Variants in SCNN1D observed in about 807,000 individuals in gnomAD.
The protein encoded by SCNN1D is epithelial sodium channel subunit delta.
Under a neutral mutation model 87.8 loss-of-function variants are expected in SCNN1D, and 104 were observed. The observed-to-expected ratio is 1.18, with a 90% CI of 1.01 to 1.39. The LOEUF is 1.39. Among genes scored for constraint, SCNN1D ranks in the 40% most tolerant of loss-of-function variants. The pLI is 0.00. For synonymous variants in SCNN1D, 628 were observed against 481.2 expected (o/e 1.31, Z -3.99); for missense variants, 1,324 against 1,093.9 (o/e 1.21, Z -2.97).
Position 1,287,567 on chromosome 1 carries a change from G to C in SCNN1D, c.1370G>C (p.Trp457Ser), listed in dbSNP as rs1366785913. The change falls in exon 10 of 18, where the codon TGG (tryptophan) becomes TCG (serine). Residue 457 changes from tryptophan to serine, a missense_variant. Transcript: ENST00000379116. ...YGSCYTVDGV[W>S]TAQRPGITHG... ...AGCTGCTACACGGTCGATGGCGTCT[G>C]GACAGCTCAGCGCCCCGGCATCACC... 1 of 1,582,322 alleles carries C rather than the reference G, an allele frequency of 6.3e-7. No homozygotes were observed. The highest frequency in any genetic ancestry group is 8.6e-7 in the Non-Finnish European group (1 of 1,162,432).
rs777158918 is a variant in SCNN1D at position 1,287,952 on chromosome 1, G to A, written c.1577G>A (p.Arg526Gln). The A allele has an allele frequency of 2.8e-5, 44 of 1,544,542 alleles. No homozygotes were observed. Among genetic ancestry groups the A allele is most frequent in the African/African-American group, 4.1e-5 (3 of 72,950 alleles). ...TISIREDEVH[R>Q]LGSPYGHCTA... ...GTCCCCTCCCAGGACGAGGTGCACC[G>A]GCTCGGGAGCCCCTACGGCCACTGC... Residue 526 changes from arginine to glutamine, a missense_variant, in exon 12 of 18, where the codon CGG becomes CAG. Physicochemically the swap from Arg to Gln is conservative, Grantham distance 43. Coordinates refer to ENST00000379116, the MANE Select transcript of SCNN1D (RefSeq NM_001130413.4).
Position 1,286,940 on chromosome 1 carries a change from C to T in SCNN1D, c.1084C>T (p.His362Tyr), listed in dbSNP as rs1398598904. ...DREIRLQRLS[H>Y]SGSRVRVGFR... ...GGAGATCCGTCTGCAGAGGCTGAGC[C>T]ACTCGGGCAGCCGGGTCAGAGTGGG... Residue 362 changes from histidine (H) to tyrosine (Y), a missense_variant, in exon 8 of 18, where the codon CAC (histidine) becomes TAC (tyrosine). Transcript: ENST00000379116. 19 of 1,612,374 alleles carry T rather than the reference C, an allele frequency of 1.2e-5. No homozygotes were observed. The highest frequency in any genetic ancestry group is 1.6e-5 in the Non-Finnish European group (19 of 1,179,836).
intron 3 of SCNN1D, 80 bp from the exon 4 acceptor site, chr1:1,282,162 G>A: frequency 1.2e-6 from 1 of 833,786 alleles, no homozygotes; most frequent in Admixed American, 2.1e-5. Flanking sequence ...GCCCCATCTG[G>A]CACTCAAGGA....
chr1:1,287,181 C>A lies in SCNN1D; in HGVS notation c.1192C>A (p.His398Asn), dbSNP rs766780512. Residue 398 changes from histidine (H) to asparagine (N), a missense_variant, in exon 9 of 18, where the codon CAC becomes AAC. Coordinates refer to ENST00000379116, the MANE Select transcript of SCNN1D (RefSeq NM_001130413.4). ...SGVAAVQDWY[H>N]FHYVDILALL... ...CGTGGCGGCTGTCCAGGACTGGTAC[C>A]ACTTCCACTATGTGGATATCCTGGC... is the stretch of plus-strand genomic sequence containing the variant. The A allele has an allele frequency of 2.2e-5, 35 of 1,612,118 alleles. No individual in the cohort carries two copies. The highest frequency in any genetic ancestry group is 2.8e-5 in the Non-Finnish European group (33 of 1,179,620).
rs1640579612 is a variant in SCNN1D, at chr1:1,285,968, C to G, written c.601C>G (p.Pro201Ala). ...TPPRPGPPSA[P>A]PPPPKEGHQE... ...CCCCAGGCCGGGGCCACCATCAGCA[C>G]CACCACCACCACCCAAGGAGGGGCA... Residue 201 changes from proline (P) to alanine (A), a missense_variant, in exon 7 of 18, where the codon CCA becomes GCA. By Grantham distance (27) the Pro-to-Ala change is conservative (BLOSUM62 -1). Transcript: ENST00000379116. 1.3e-6 allele frequency: 2 copies of G among 1,552,830 alleles called. No homozygotes were observed. Among genetic ancestry groups the G allele is most frequent in the African/African-American group, 1.4e-5 (1 of 73,306 alleles).
In SCNN1D at chr1:1,286,102, C is replaced by A. The variant is rs772325678; in HGVS notation, c.735C>A (p.Asn245Lys). Residue 245 changes from asparagine (N) to lysine (K), a missense_variant, in exon 7 of 18, where the codon AAC becomes AAA. By Grantham distance (94) the Asn-to-Lys change is moderately conservative. Coordinates refer to ENST00000379116, the MANE Select transcript of SCNN1D (RefSeq NM_001130413.4). ...TCCGCCTGGTCTGCTCCCGCGGGAA[C>A]CGCCTCAAGACGACGTCCTGGGGGC... ...GAIRLVCSRG[N>K]RLKTTSWGLL... 65 of 1,610,020 alleles carry A rather than the reference C, an allele frequency of 4.0e-5. No individual in the cohort carries two copies. Among genetic ancestry groups the A allele is most frequent in the Non-Finnish European group, 5.4e-5 (64 of 1,179,158 alleles).
chr1:1,291,289 C>A lies in SCNN1D; in HGVS notation c.2088C>A (p.Cys696Ter). The change falls in exon 18 of 18, where the codon TGC becomes TGA. Residue 696 changes from cysteine to a stop codon, truncating the protein, a stop_gained. Transcript: ENST00000379116. LOFTEE classifies it low-confidence loss of function (END_TRUNC). Reference protein sequence around the residue: ...PQLLSAMGSLCSLWFGASVLS... With the variant: ...PQLLSAMGSL ...TGCTCTCGGCCATGGGCAGCCTCTG[C>A]AGCCTGTGGTTTGGGGCCTCCGTCC... The A allele has an allele frequency of 6.4e-7, 1 of 1,571,654 alleles. No homozygotes were observed.
Position 1,291,657 on chromosome 1 carries a change from C to A in SCNN1D, c.*47C>A. On this transcript the variant is annotated 3_prime_UTR_variant, in exon 18 of 18. Transcript: ENST00000379116. ...CGATCTCTTGGCCTGGTCCTTGCAG[C>A]TGTGGCAGCAGCAGGCTCCCCAGCG... 1 of 1,405,228 alleles carries A rather than the reference C, an allele frequency of 7.1e-7. No homozygotes were observed. Among genetic ancestry groups the A allele is most frequent in the Non-Finnish European group, 9.5e-7 (1 of 1,050,720 alleles). The allele number at this position is 1,405,228 out of a possible 1,614,324, so 87.0% of individuals were successfully genotyped here.
At chr1:1,285,791 G>C in intron 6 of SCNN1D, 127 bp downstream of exon 6, 1 of 1,190,058 alleles carries the variant, frequency 8.4e-7, no homozygotes. Context: ...CAGTGTCAGA[G>C]CACCCTGGGA....
Position 1,287,298 on chromosome 1 carries a change from C to CGTAACTGCA in SCNN1D, c.1310_1310+1insTAACTGCAG (p.Arg437_Gln438insAsnCysArg). ...TTACGATGGCCTGGACTGCCAGGCC[C>CGTAACTGCA]GGTGAGTGTGGCGGGCGGGGGCCAC... is the stretch of plus-strand genomic sequence containing the variant. On this transcript the variant is annotated inframe_insertion and splice_region_variant, in exon 9 of 18. Coordinates refer to ENST00000379116, the MANE Select transcript of SCNN1D (RefSeq NM_001130413.4). The CGTAACTGCA allele has an allele frequency of 1.9e-6, 3 of 1,586,134 alleles. No homozygotes were observed. The highest frequency in any genetic ancestry group is 2.3e-5 in the East Asian group (1 of 44,146).
rs1640601864 is a variant in SCNN1D at position 1,286,830 on chromosome 1, C to T, written c.974C>T (p.Ser325Phe). Residue 325 changes from serine to phenylalanine, a missense_variant, in exon 8 of 18, where the codon TCC (serine) becomes TTC (phenylalanine). Ser to Phe is a radical substitution (Grantham distance 155). Coordinates refer to ENST00000379116, the MANE Select transcript of SCNN1D (RefSeq NM_001130413.4). ...GAGTTTGCCAGGGAGAACATTGACT[C>T]CCTGTACAACGTCAACCTCAGCAAA... ...LDEFARENID[S>F]LYNVNLSKGR... The T allele has an allele frequency of 1.2e-6, 2 of 1,612,578 alleles. No homozygotes were observed. The highest frequency in any genetic ancestry group is 1.3e-5 in the African/African-American group (1 of 74,898).
At chr1:1,281,362 T>C (rs1358571628) in intron 2 of SCNN1D, 49 bp from the exon 3 acceptor site, 1 of 1,533,664 alleles carries the variant, frequency 6.5e-7, no homozygotes, top group South Asian at 1.2e-5. Flanking sequence ...AGCAGAGGCA[T>C]GGGCCCAAAG....
In SCNN1D at chr1:1,287,920, C is replaced by G. The variant is rs1371970442; in HGVS notation, c.1564-19C>G. The G allele has an allele frequency of 2.0e-6, 3 of 1,533,610 alleles. No homozygotes were observed. The highest frequency in any genetic ancestry group is 1.8e-6 in the Non-Finnish European group (2 of 1,136,172). ...GGGGGTGAGGGCAGGGCCCATGGAA[C>G]TGAAGCGTCCCCTCCCAGGACGAGG... On this transcript the variant is annotated intron_variant, in intron 11 of 17. Transcript: ENST00000379116.
rs34553031 is a variant in SCNN1D at position 1,290,150 on chromosome 1, G to A, written c.1663-121G>A. ...GTCCCCCGTGTCTCTGCTCCGTCCC[G>A]TGTCTCTGCTCCGTCCCGTGTCCCT... is the stretch of plus-strand genomic sequence containing the variant. On this transcript the variant is annotated intron_variant, in intron 12 of 17. Coordinates refer to ENST00000379116, the MANE Select transcript of SCNN1D (RefSeq NM_001130413.4). The A allele has an allele frequency of 6.1e-5, 31 of 507,762 alleles. 1 individual carries two copies. The highest frequency in any genetic ancestry group is 1.4e-4 in the South Asian group (6 of 41,764). The allele number at this position is 507,762 out of a possible 1,614,324, so 31.5% of individuals were successfully genotyped here.
Position 1,284,009 on chromosome 1 carries a change from GC to G in SCNN1D, c.385del (p.Gln129SerfsTer7). Reference sequence around the variant, plus strand: ...AGAGGCTCCATCCTGCTTCAGAGCTGCCAGCTGCCCCCGCAATGGCTGAGCA... The same window carrying G: ...AGAGGCTCCATCCTGCTTCAGAGCTGCAGCTGCCCCCGCAATGGCTGAGCA... ...EARGSILLQS[C>X]QLPPQWLSTE... is the part of the protein sequence containing the mutation. On this transcript the variant is annotated frameshift_variant, in exon 5 of 18. Coordinates refer to ENST00000379116, the MANE Select transcript of SCNN1D (RefSeq NM_001130413.4). LOFTEE classifies it high-confidence loss of function. The G allele has an allele frequency of 6.9e-7, 1 of 1,439,388 alleles. No individual in the cohort carries two copies. Among genetic ancestry groups the G allele is most frequent in the South Asian group, 1.5e-5 (1 of 68,066 alleles). The allele number at this position is 1,439,388 out of a possible 1,614,324, so 89.2% of individuals were successfully genotyped here.
At position 1,280,685 on chromosome 1, in the gene SCNN1D, C is replaced by A. The variant is rs1453807888; in HGVS notation, c.5+19C>A. The stretch of plus-strand genomic sequence containing the variant: ...GCATGAGGTGCGTCCGACTCCCTTC[C>A]CATCACAGCTGAGCTAGTTTTTCAG... On this transcript the variant is annotated intron_variant, in intron 1 of 17. Coordinates refer to ENST00000379116, the MANE Select transcript of SCNN1D (RefSeq NM_001130413.4). The A allele has an allele frequency of 2.8e-6, 2 of 701,812 alleles. No individual in the cohort carries two copies. Among genetic ancestry groups the A allele is most frequent in the East Asian group, 5.4e-5 (2 of 37,260 alleles). The allele number at this position is 701,812 out of a possible 1,614,324, so 43.5% of individuals were successfully genotyped here.
chr1:1,285,975 C>T lies in SCNN1D; in HGVS notation c.608C>T (p.Pro203Leu). The T allele has an allele frequency of 1.9e-6, 3 of 1,559,362 alleles. No homozygotes were observed. Among genetic ancestry groups the T allele is most frequent in the Non-Finnish European group, 2.6e-6 (3 of 1,150,796 alleles). Residue 203 changes from proline (P) to leucine (L), a missense_variant, in exon 7 of 18, where the codon CCA (proline) becomes CTA (leucine). Coordinates refer to ENST00000379116, the MANE Select transcript of SCNN1D (RefSeq NM_001130413.4). ...CCGGGGCCACCATCAGCACCACCACCACCACCCAAGGAGGGGCACCAGGAG... is the reference window on the plus strand; with the variant it reads ...CCGGGGCCACCATCAGCACCACCACTACCACCCAAGGAGGGGCACCAGGAG... Reference protein sequence around the residue: ...PRPGPPSAPPPPPKEGHQEGL... With the variant: ...PRPGPPSAPPLPPKEGHQEGL...
In SCNN1D at chr1:1,284,042, C is replaced by CATGGACGGGAGA; in HGVS notation, c.422_433dup (p.Thr141_Trp144dup). 1 of 1,366,338 alleles carries CATGGACGGGAGA rather than the reference C, an allele frequency of 7.3e-7. No individual in the cohort carries two copies. The highest frequency in any genetic ancestry group is 1.6e-5 in the South Asian group (1 of 62,054). 84.6% of individuals were successfully genotyped at this position (1,366,338 alleles called of 1,614,324 possible). A position where few individuals can be genotyped will look rare whatever the true frequency, so the allele number is the denominator to read the frequency against. On this transcript the variant is annotated inframe_insertion, in exon 5 of 18. Transcript: ENST00000379116. ...CCCCCGCAATGGCTGAGCACCGAAG[C>CATGGACGGGAGA]ATGGACGGGAGAATGGAAGCAGCCA...
In SCNN1D at chr1:1,291,943, C is replaced by G; in HGVS notation, c.*333C>G. 1 of 225,544 alleles carries G rather than the reference C, an allele frequency of 4.4e-6. No individual in the cohort carries two copies. The highest frequency in any genetic ancestry group is 8.7e-6 in the Non-Finnish European group (1 of 114,430). 14.0% of individuals were successfully genotyped at this position (225,544 alleles called of 1,614,324 possible). On this transcript the variant is annotated 3_prime_UTR_variant, in exon 18 of 18. Coordinates refer to ENST00000379116, the MANE Select transcript of SCNN1D (RefSeq NM_001130413.4). ...ACCTGTGTACGTGTGTCAAGCCTAG[C>G]CACCTCAGCTGCAGGGAGGCAGAAG...
Sources: gnomAD v4.1 joint callset for allele counts on GRCh38, gnomAD v4.1.1 for gene constraint, MANE v1.5 for transcripts, NCBI Gene and HGNC (gene_info 2026-07-23, HGNC 2026-07-21) for gene names.